OPRM1: variants seen among roughly 807,000 people sequenced by gnomAD.
OPRM1 encodes mu-type opioid receptor.
In OPRM1, 27 loss-of-function variants were observed where a neutral mutation model predicts 31.8. That is an observed-to-expected ratio of 0.85 (90% CI 0.63 to 1.17). The LOEUF (loss-of-function observed/expected upper bound fraction) is 1.17, where lower values mean the gene tolerates loss of function less well. OPRM1 is among the 50% of genes most tolerant of loss of function. The pLI is 0.00. For missense variants in OPRM1, 536 were observed against 511.1 expected (o/e 1.05, Z -0.47); for synonymous variants, 196 against 189.9 (o/e 1.03, Z -0.26).
chr6:154,186,699 G>A (rs1408594166), intron 3 of OPRM1, among the ~76,000 whole-genome samples: 1 of 152,076 alleles, frequency 6.6e-6, no homozygotes, highest in Non-Finnish European at 1.5e-5. Context: ...TGGGACTACA[G>A]GCGCCCGCCA....
rs613341 is a variant in OPRM1, at chr6:154,122,144, T to C, written c.*3423T>C. Among the ~76,000 whole-genome samples, 139,444 of 152,226 alleles carry C rather than the reference T, an allele frequency of 0.92. 63,911 individuals are homozygous for C. Among genetic ancestry groups the C allele is most frequent in the East Asian group, 0.98 (5,096 of 5,184 alleles). The stretch of plus-strand genomic sequence containing the variant: ...TGGTAGCTTAAGTTTTTCAGCTTCT[T>C]AACTGGCCACACACACACAAGTTGT... On this transcript the variant is annotated 3_prime_UTR_variant, in exon 4 of 4. Coordinates refer to ENST00000330432, the MANE Select transcript of OPRM1 (RefSeq NM_000914.5).
chr6:154,168,139 G>C lies in OPRM1; in HGVS notation c.1164+76667G>C, dbSNP rs1799581451. 1 of 1,496,900 alleles carries C rather than the reference G, an allele frequency of 6.7e-7. No homozygotes were observed. The highest frequency in any genetic ancestry group is 2.3e-5 in the East Asian group (1 of 43,600). The allele number at this position is 1,496,900 out of a possible 1,614,324, so 92.7% of individuals were successfully genotyped here. A position where few individuals can be genotyped will look rare whatever the true frequency, so the allele number is the denominator to read the frequency against. On this transcript the variant is annotated intron_variant, in intron 3 of 3. Coordinates refer to the OPRM1 transcript ENST00000337049. The surrounding 1 kb of genome is among the most constrained non-coding windows in gnomAD (Gnocchi z 4.1). ...CTATTTGAAAAAAAAAAAGAAAGCA[G>C]TAACAATAAACCCAGTGAAAAATCA...
chr6:154,038,696 C>A (rs1218011034), upstream of OPRM1, among the ~76,000 whole-genome samples: 3 of 152,218 alleles, frequency 2.0e-5, no homozygotes, highest in Non-Finnish European at 4.4e-5. Flanking sequence ...TCTGTAACCA[C>A]TTCTTATGCC....
chr6:154,151,334 G>A (rs73576500), intron 3 of OPRM1, among the ~76,000 whole-genome samples: 9,958 of 152,268 alleles, frequency 0.065, 946 homozygotes, highest in African/African-American at 0.21. Flanking sequence ...GACCTTAGTT[G>A]TGGACCAGAT....
At chr6:154,181,002 G>C (rs1470972360) in intron 3 of OPRM1, among the ~76,000 whole-genome samples, 1 of 152,038 alleles carries the variant, frequency 6.6e-6, no homozygotes, top group East Asian at 1.9e-4. Flanking sequence ...AGTCATTTGG[G>C]TATTTTGCAT....
chr6:154,231,120 A>G (rs1779680378), intron 3 of OPRM1, among the ~76,000 whole-genome samples: 1 of 152,222 alleles, frequency 6.6e-6, no homozygotes. Context: ...GCCCATTCTC[A>G]TGCCGCCTTA....
At chr6:154,214,193 T>G in intron 3 of OPRM1, 1 of 1,501,546 alleles carries the variant, frequency 6.7e-7, no homozygotes, top group East Asian at 2.3e-5. Context: ...TTGCTAAATT[T>G]TCAGAAATTT....
chr6:154,137,350 T>C (rs1213651755), downstream of OPRM1, among the ~76,000 whole-genome samples: 1 of 152,212 alleles, frequency 6.6e-6, no homozygotes, highest in Non-Finnish European at 1.5e-5. Flanking sequence ...CCTCTGAATA[T>C]ACTTGCTTTC....
In OPRM1 at chr6:154,015,682, G is replaced by C. The variant is rs556631749; in HGVS notation, c.-1+4664G>C. On this transcript the variant is annotated intron_variant, in intron 1 of 5. Transcript: ENST00000434900. ...ATACATAAAATAAAAAGATATTTTT[G>C]GTATGGCAAAATCATAAGCAAATAA... Among the ~76,000 whole-genome samples, 37 of 151,676 alleles carry C rather than the reference G, an allele frequency of 2.4e-4. No homozygotes were observed. In the South Asian group the frequency reaches 7.5e-3, roughly 31 times the overall value.
At chr6:154,164,077 C>T (rs1055364582) in intron 3 of OPRM1, among the ~76,000 whole-genome samples, 1 of 152,160 alleles carries the variant, frequency 6.6e-6, no homozygotes, top group African/African-American at 2.4e-5. Context: ...CACCATACTG[C>T]TATTAATGTA....
At chr6:154,184,018 T>C (rs1801124578) in intron 3 of OPRM1, among the ~76,000 whole-genome samples, 1 of 152,166 alleles carries the variant, frequency 6.6e-6, no homozygotes, top group South Asian at 2.1e-4. Flanking sequence ...CTGCTAACTC[T>C]AGTCACTATG....
intron 1 of OPRM1, among the ~76,000 whole-genome samples, chr6:154,045,557 T>G (rs943025699): frequency 4.6e-5 from 7 of 152,172 alleles, no homozygotes; most frequent in African/African-American, 1.7e-4. Context: ...TTTCTAGGGC[T>G]CCACCAGGCA....
chr6:154,154,748 C>A (rs566288718), intron 3 of OPRM1: 4 of 152,196 alleles, frequency 2.6e-5, no homozygotes, highest in Non-Finnish European at 5.9e-5. Flanking sequence ...TTTTATCTTA[C>A]AAGTCAACCT....
chr6:154,092,822 G>C (rs572253207), intron 3 of OPRM1, among the ~76,000 whole-genome samples: 15 of 152,348 alleles, frequency 9.8e-5, no homozygotes, highest in African/African-American at 3.1e-4. Flanking sequence ...CCCCTAGAGA[G>C]CATGAGGTAA....
exon 4 of OPRM1, chr6:154,246,808 T>C (rs372106385): frequency 6.3e-7 from 1 of 1,591,450 alleles, no homozygotes; most frequent in Admixed American, 1.7e-5. Context: ...CCTGATTTGG[T>C]AGGTAAAGTA....
intron 3 of OPRM1, among the ~76,000 whole-genome samples, chr6:154,183,541 C>T (rs576476554): frequency 5.3e-5 from 8 of 152,222 alleles, no homozygotes; most frequent in South Asian, 2.1e-4. Context: ...AGGAGAGGTG[C>T]GCTCTATAGA....
chr6:154,098,596 T>C (rs1793812779), intron 3 of OPRM1, among the ~76,000 whole-genome samples: 1 of 151,824 alleles, frequency 6.6e-6, no homozygotes, highest in African/African-American at 2.4e-5. Flanking sequence ...ACAGTATTTA[T>C]TTTTGCTTTT....
At position 154,039,598 on chromosome 6, in the gene OPRM1, G is replaced by C. The variant is rs766687181; in HGVS notation, c.54G>C (p.Ala18=). 6.2e-7 allele frequency: 1 copy of C among 1,613,840 alleles called. No homozygotes were observed. Among genetic ancestry groups the C allele is most frequent in the Non-Finnish European group, 8.5e-7 (1 of 1,179,868 alleles). ...TNASNCTDAL[A]YSSCSPAPSP... ...CCAGCAATTGCACTGATGCCTTGGC[G>C]TACTCAAGTTGCTCCCCAGCACCCA... Residue 18 remains alanine, a synonymous_variant, in exon 1 of 4, where the codon GCG becomes GCC. Coordinates refer to ENST00000330432, the MANE Select transcript of OPRM1 (RefSeq NM_000914.5).
At chr6:154,045,820 G>T (rs1384316794) in intron 1 of OPRM1, among the ~76,000 whole-genome samples, 1 of 152,174 alleles carries the variant, frequency 6.6e-6, no homozygotes, top group Non-Finnish European at 1.5e-5. Flanking sequence ...AAGTTCCCTT[G>T]ACCAGGAAAT....
Sources: allele counts gnomAD v4.1 joint callset (sites outside exome capture counted in the v4.1 genomes callset), GRCh38; gene constraint gnomAD v4.1.1; non-coding constraint Gnocchi (gnomAD v3.1); transcripts MANE v1.5; gene names NCBI Gene and HGNC (gene_info 2026-07-23, HGNC 2026-07-21).